GUCY2C: variants seen among roughly 807,000 people sequenced by gnomAD.
GUCY2C encodes the protein guanylyl cyclase C.
A neutral mutation model predicts 131.1 loss-of-function variants in GUCY2C; 118 were observed. That is an observed-to-expected ratio of 0.90 (90% CI 0.78 to 1.05). GUCY2C has a LOEUF of 1.05. Ranked by LOEUF, GUCY2C falls within the 50% of genes least tolerant of loss-of-function variation. The probability of loss-of-function intolerance (pLI) is 0.00; values close to 1 mark genes in which losing one functional copy is unlikely to be tolerated. For synonymous variants in GUCY2C, 452 were observed against 457.8 expected, an observed-to-expected ratio of 0.99 and a Z score of 0.16; for missense variants, 1,161 against 1,304.4, an observed-to-expected ratio of 0.89 and a Z score of 1.69.
intron 17 of GUCY2C, 25 bp downstream of exon 17, chr12:14,643,548 TA>T: frequency 6.2e-7 from 1 of 1,610,236 alleles, no homozygotes; most frequent in Non-Finnish European, 8.5e-7. Context: ...GTTAGGAAAC[TA>T]GTGAACATTT....
chr12:14,671,865 C>T (rs553051040), intron 9 of GUCY2C, among the ~76,000 whole-genome samples: 1 of 152,042 alleles, frequency 6.6e-6, no homozygotes, highest in Non-Finnish European at 1.5e-5. Context: ...GGAATGTATG[C>T]GAAACATAAC....
At position 14,613,140 on chromosome 12, in the gene GUCY2C, C is replaced by G. The variant is rs1191386628; in HGVS notation, c.3199G>C (p.Asp1067His). Reference protein sequence around the residue: ...TLEYLQLNTTDKESTYF With the variant: ...TLEYLQLNTTHKESTYF ...GTTTAAAAATAGGTGCTCTCCTTGT[C>G]TGTGGTATTCAGCTGCAAGTATTCC... Residue 1067 changes from aspartate to histidine, a missense_variant, in exon 27 of 27, where the codon GAC becomes CAC. Physicochemically the swap from Asp to His is moderately conservative, Grantham distance 81. Transcript: ENST00000261170. This position sits in a 1 kb window ranked among gnomAD's most constrained non-coding sequence, Gnocchi z 4.9. 2 of 1,613,434 alleles carry G rather than the reference C, an allele frequency of 1.2e-6. No homozygotes were observed. The highest frequency in any genetic ancestry group is 1.7e-6 in the Non-Finnish European group (2 of 1,179,548).
intron 21 of GUCY2C, among the ~76,000 whole-genome samples, chr12:14,625,497 T>G (rs12815090): frequency 3.3e-5 from 5 of 151,918 alleles, no homozygotes; most frequent in Admixed American, 1.3e-4. Flanking sequence ...CTGGCTAATT[T>G]TTTTTATTAT....
At chr12:14,687,863 C>T in intron 2 of GUCY2C, 88 bp downstream of exon 2, 1 of 751,496 alleles carries the variant, frequency 1.3e-6, no homozygotes, top group South Asian at 1.5e-5. Flanking sequence ...GATGGGAGAG[C>T]TGCTTCATGG....
intron 1 of GUCY2C, 61 bp from the exon 2 acceptor site, chr12:14,688,124 G>A: frequency 9.9e-7 from 1 of 1,010,954 alleles, no homozygotes; most frequent in Non-Finnish European, 1.6e-6. Flanking sequence ...ATTTATATCA[G>A]CCATGAGATT....
At chr12:14,645,944 T>A (rs1197245331) in intron 15 of GUCY2C, among the ~76,000 whole-genome samples, 1 of 152,032 alleles carries the variant, frequency 6.6e-6, no homozygotes, top group Admixed American at 6.6e-5. Context: ...CCAGCCATTC[T>A]CCTGCCTCAG....
chr12:14,650,488 C>T (rs914624556), intron 15 of GUCY2C, among the ~76,000 whole-genome samples: 6 of 152,158 alleles, frequency 3.9e-5, no homozygotes, highest in African/African-American at 7.2e-5. Context: ...CCTCATGATC[C>T]GCCTGCCTCG....
rs141437104 is a variant in GUCY2C at position 14,671,052 on chromosome 12, A to G, written c.1171-1219T>C. Among the ~76,000 whole-genome samples, 837 of 151,920 alleles carry G rather than the reference A, an allele frequency of 5.5e-3. 4 individuals carry two copies. The highest frequency in any genetic ancestry group is 0.034 in the Middle Eastern group (10 of 294). Reference sequence around the variant, plus strand: ...GGGAAAGACCAGCCCCCGTGATTCAATTACCTCCCCTGGTCCCTCCCACAA... The same window carrying G: ...GGGAAAGACCAGCCCCCGTGATTCAGTTACCTCCCCTGGTCCCTCCCACAA... On this transcript the variant is annotated intron_variant, in intron 9 of 26. Coordinates refer to ENST00000261170, the MANE Select transcript of GUCY2C (RefSeq NM_004963.4).
At chr12:14,623,955 G>T (rs1240252869) in intron 21 of GUCY2C, among the ~76,000 whole-genome samples, 2 of 152,116 alleles carry the variant, frequency 1.3e-5, no homozygotes, top group African/African-American at 4.8e-5. Flanking sequence ...CTAGTCTCGG[G>T]TAGTTCTTTA....
At chr12:14,691,383 C>A (rs372433333) in intron 1 of GUCY2C, among the ~76,000 whole-genome samples, 58 of 152,194 alleles carry the variant, frequency 3.8e-4, no homozygotes, top group African/African-American at 1.4e-3. Flanking sequence ...CCCCATATGC[C>A]TTTTATTTAA....
chr12:14,680,425 A>G (rs7959794), intron 5 of GUCY2C, among the ~76,000 whole-genome samples: 115,840 of 152,070 alleles, frequency 0.76, 45,353 homozygotes, highest in Non-Finnish European at 0.86. Context: ...TAGGGACATA[A>G]ATACTTATAT....
At chr12:14,694,423 G>A (rs1189921385) in intron 1 of GUCY2C, among the ~76,000 whole-genome samples, 1 of 152,192 alleles carries the variant, frequency 6.6e-6, no homozygotes, top group Non-Finnish European at 1.5e-5. Context: ...GATTAAAGAG[G>A]TGATGTAATT....
chr12:14,622,670 G>A (rs757630856), intron 21 of GUCY2C, among the ~76,000 whole-genome samples: 1 of 152,060 alleles, frequency 6.6e-6, no homozygotes, highest in East Asian at 1.9e-4. Flanking sequence ...ATGTAATATG[G>A]CATTGCTTAA....
intron 3 of GUCY2C, among the ~76,000 whole-genome samples, chr12:14,685,937 T>A (rs988211209): frequency 6.6e-6 from 1 of 152,188 alleles, no homozygotes; most frequent in Non-Finnish European, 1.5e-5. Context: ...TACCATGTTT[T>A]CTCTCAAGGT....
At chr12:14,629,467 C>T (rs1052564274) in intron 19 of GUCY2C, among the ~76,000 whole-genome samples, 2 of 152,178 alleles carry the variant, frequency 1.3e-5, no homozygotes, top group African/African-American at 4.8e-5. Flanking sequence ...AGAAGTTAAT[C>T]ACGTATGTCT....
chr12:14,639,515 G>T (rs1474814727), intron 19 of GUCY2C, among the ~76,000 whole-genome samples: 2 of 152,086 alleles, frequency 1.3e-5, no homozygotes, highest in African/African-American at 4.8e-5. Context: ...CTTGAGATGA[G>T]GTGATTATTC....
chr12:14,616,501 G>A (rs1946765075), intron 25 of GUCY2C, 132 bp downstream of exon 25: 1 of 677,958 alleles, frequency 1.5e-6, no homozygotes, highest in Non-Finnish European at 2.7e-6. Context: ...CTCTTGCAGA[G>A]GATGGAGGGT....
chr12:14,660,998 G>A lies in GUCY2C; in HGVS notation c.1347C>T (p.Val449=), dbSNP rs764076044. ...GGCTGTACCTGAGCATCAGGAGAGC[G>A]ACGAGCAGGAGCAGCACCACAGCTC... ...LTGAVVLLLL[V]ALLMLRKYRK... is the part of the protein sequence containing the mutation. The change falls in exon 11 of 27, where the codon GTC becomes GTT. Residue 449 remains valine (V), a synonymous_variant. Transcript: ENST00000261170. 8.7e-6 allele frequency: 14 copies of A among 1,611,460 alleles called. No individual in the cohort carries two copies. In the South Asian group the frequency reaches 1.2e-4, roughly 14 times the overall value.
chr12:14,653,125 C>T (rs921445852), intron 12 of GUCY2C, 111 bp from the exon 13 acceptor site: 1 of 818,060 alleles, frequency 1.2e-6, no homozygotes, highest in Admixed American at 1.7e-5. Context: ...TCCTCAATAA[C>T]ATGCTGGGCA....
Sources: gnomAD v4.1 joint callset for allele counts (sites outside exome capture counted in the v4.1 genomes callset) on GRCh38, gnomAD v4.1.1 for gene constraint, Gnocchi (gnomAD v3.1) non-coding constraint, MANE v1.5 for transcripts, NCBI Gene and HGNC (gene_info 2026-07-23, HGNC 2026-07-21) for gene names.